Variants in SVOP observed in about 807,000 individuals in gnomAD.
SVOP encodes the protein synaptic vesicle 2-related protein.
In SVOP, 17 loss-of-function variants were observed where a neutral mutation model predicts 69.1. The ratio of observed to expected loss-of-function variants is 0.25; its 90% CI spans 0.17 to 0.37. SVOP has a LOEUF of 0.37. Ranked by LOEUF, SVOP falls within the 10% of genes least tolerant of loss-of-function variation. The pLI is 1.00. For missense variants in SVOP, 435 were observed against 597.5 expected, an observed-to-expected ratio of 0.73 and a Z score of 2.84; for synonymous variants, 238 against 238.6, an observed-to-expected ratio of 1.00 and a Z score of 0.02.
chr12:108,919,704 G>A lies in SVOP; in HGVS notation c.1239C>T (p.Cys413=), dbSNP rs1349437563. The stretch of plus-strand genomic sequence containing the variant: ...CAACACAGATAAACAGCAGGAGGCT[G>A]CAGAAGGAGAAGATGACAAAGCACA... The part of the protein sequence containing the change: ...MALCFVIFSF[C]SLLLFICVGR... The change falls in exon 13 of 16, where the codon TGC becomes TGT. Residue 413 remains cysteine, a synonymous_variant. Coordinates refer to ENST00000610966, the MANE Select transcript of SVOP (RefSeq NM_018711.5). The A allele has an allele frequency of 1.2e-6, 2 of 1,607,054 alleles. No homozygotes were observed. The highest frequency in any genetic ancestry group is 4.5e-5 in the East Asian group (2 of 44,640).
intron 11 of SVOP, 23 bp from the exon 12 acceptor site, chr12:108,922,820 G>A: frequency 6.5e-7 from 1 of 1,533,656 alleles, no homozygotes; most frequent in South Asian, 1.2e-5. Flanking sequence ...GAGAGAAAGA[G>A]AGGGGGAGAC....
chr12:108,975,416 G>A (rs1053373816), intron 4 of SVOP, among the ~76,000 whole-genome samples: 2 of 152,182 alleles, frequency 1.3e-5, no homozygotes, highest in Admixed American at 6.5e-5. Context: ...AAAGTAGCCC[G>A]AGGCAGGGGC....
chr12:108,912,479 C>T lies in SVOP; in HGVS notation c.*56G>A. 6.2e-7 allele frequency: 1 copy of T among 1,605,924 alleles called. No individual in the cohort carries two copies. The highest frequency in any genetic ancestry group is 8.5e-7 in the Non-Finnish European group (1 of 1,173,674). On this transcript the variant is annotated 3_prime_UTR_variant, in exon 16 of 16. Coordinates refer to ENST00000610966, the MANE Select transcript of SVOP (RefSeq NM_018711.5). ...TGACAATCAGTGCCCCAGTTGGGGC[C>T]TGCCAGCCCCCCAAGCTCTGCAGCC...
At chr12:108,943,876 T>A (rs971215059) in intron 7 of SVOP, among the ~76,000 whole-genome samples, 1 of 33,426 alleles carries the variant, frequency 3.0e-5, no homozygotes, top group Non-Finnish European at 1.2e-4. Context: ...CTCTTCCTCT[T>A]CTTCTTCTTC....
At chr12:108,982,329 TC>T (rs1256156493) in intron 2 of SVOP, among the ~76,000 whole-genome samples, 1 of 149,940 alleles carries the variant, frequency 6.7e-6, no homozygotes, top group African/African-American at 2.5e-5. Context: ...ATCATCACCA[TC>T]ATCATCATCT....
In SVOP at chr12:108,912,590, C is replaced by T. The variant is rs1566045222; in HGVS notation, c.1592G>A (p.Gly531Asp). ...SHREWGQEMV[G>D]RGMHGAGVTR... ...AACACCTGCACCGTGCATTCCTCGGCCGACCATCTCCTGGCCCCACTCCCG... is the reference window on the plus strand; with the variant it reads ...AACACCTGCACCGTGCATTCCTCGGTCGACCATCTCCTGGCCCCACTCCCG... The change falls in exon 16 of 16, where the codon GGC becomes GAC. Residue 531 changes from glycine (G) to aspartate (D), a missense_variant. Transcript: ENST00000610966. The T allele has an allele frequency of 6.2e-7, 1 of 1,613,754 alleles. No homozygotes were observed. Among genetic ancestry groups the T allele is most frequent in the African/African-American group, 1.3e-5 (1 of 74,904 alleles).
intron 13 of SVOP, among the ~76,000 whole-genome samples, chr12:108,918,430 G>A (rs531248035): frequency 1.9e-4 from 29 of 152,354 alleles, no homozygotes; most frequent in African/African-American, 6.7e-4. Context: ...TTGGCTGAGG[G>A]TGGAGCAGGA....
chr12:109,012,773 T>C (rs1234857624), intron 1 of SVOP, among the ~76,000 whole-genome samples: 2 of 151,914 alleles, frequency 1.3e-5, no homozygotes, highest in Non-Finnish European at 2.9e-5. Context: ...ACCAAAAATA[T>C]AAAAAATGAG....
chr12:109,003,752 C>T (rs1182771806), intron 1 of SVOP, among the ~76,000 whole-genome samples: 2 of 152,298 alleles, frequency 1.3e-5, no homozygotes, highest in African/African-American at 4.8e-5. Flanking sequence ...GGACTGCAGG[C>T]GTTTGCCACC....
At chr12:108,913,876 C>T (rs2039699715) in intron 15 of SVOP, among the ~76,000 whole-genome samples, 1 of 152,110 alleles carries the variant, frequency 6.6e-6, no homozygotes, top group Non-Finnish European at 1.5e-5. Context: ...GACTTGAACA[C>T]CTGACCTCAA....
chr12:108,924,500 A>G (rs1423210087), intron 11 of SVOP, among the ~76,000 whole-genome samples: 2 of 152,120 alleles, frequency 1.3e-5, no homozygotes, highest in Non-Finnish European at 2.9e-5. Flanking sequence ...CCCTACGGCC[A>G]ACCCATCAGC....
At chr12:108,970,146 TGGA>T (rs2040070047) in intron 5 of SVOP, among the ~76,000 whole-genome samples, 1 of 152,262 alleles carries the variant, frequency 6.6e-6, no homozygotes, top group South Asian at 2.1e-4. Context: ...GGGATGCAGC[TGGA>T]GTCTGCATCC....
At chr12:108,924,670 T>C (rs1566048351) in intron 11 of SVOP, among the ~76,000 whole-genome samples, 1 of 152,146 alleles carries the variant, frequency 6.6e-6, no homozygotes, top group Non-Finnish European at 1.5e-5. Flanking sequence ...GGCACCTAGC[T>C]AGCCTTGAGA....
chr12:108,917,211 A>C (rs537682176), intron 14 of SVOP, among the ~76,000 whole-genome samples: 1 of 152,316 alleles, frequency 6.6e-6, no homozygotes, highest in Admixed American at 6.5e-5. Flanking sequence ...TCAGGATCTC[A>C]ACACTCGAGA....
intron 14 of SVOP, 120 bp downstream of exon 14, chr12:108,917,923 G>C (rs2039724254): frequency 6.6e-6 from 5 of 754,628 alleles, no homozygotes; most frequent in Non-Finnish European, 2.0e-6. Flanking sequence ...TGGGATTATA[G>C]GCATGAGCTA....
intron 6 of SVOP, among the ~76,000 whole-genome samples, chr12:108,951,612 A>G (rs1477390069): frequency 4.6e-5 from 7 of 152,050 alleles, no homozygotes; most frequent in Admixed American, 3.9e-4. Context: ...TAAAGGGTCT[A>G]GAAAACTGTT....
intron 1 of SVOP, among the ~76,000 whole-genome samples, chr12:109,018,853 C>A (rs2040381954): frequency 6.6e-6 from 1 of 152,064 alleles, no homozygotes. Flanking sequence ...TGTGTCTGCC[C>A]GGCATTTGGC....
chr12:108,907,887 A>C lies in SVOP; in HGVS notation c.*4648T>G, dbSNP rs1205345400. Reference sequence around the variant, plus strand: ...AAGAGAGTTCTGATGAATAGACTTGAGAGTTTATGCACATGTCACTGCAGA... The same window carrying C: ...AAGAGAGTTCTGATGAATAGACTTGCGAGTTTATGCACATGTCACTGCAGA... On this transcript the variant is annotated 3_prime_UTR_variant, in exon 16 of 16. Transcript: ENST00000610966. The C allele has an allele frequency of 2.0e-5, 3 of 152,282 alleles. No individual in the cohort carries two copies. The highest frequency in any genetic ancestry group is 7.2e-5 in the African/African-American group (3 of 41,466). The allele number at this position is 152,282 out of a possible 1,614,324, so 9.4% of individuals were successfully genotyped here. A position where few individuals can be genotyped will look rare whatever the true frequency, so the allele number is the denominator to read the frequency against.
chr12:108,924,848 T>C (rs1417321799), intron 11 of SVOP, among the ~76,000 whole-genome samples: 2 of 152,076 alleles, frequency 1.3e-5, no homozygotes, highest in African/African-American at 4.8e-5. Flanking sequence ...AGATGGAAAA[T>C]GCTGACCACC....
Sources: allele counts gnomAD v4.1 joint callset (sites outside exome capture counted in the v4.1 genomes callset), GRCh38; gene constraint gnomAD v4.1.1; transcripts MANE v1.5; gene names NCBI Gene and HGNC (gene_info 2026-07-23, HGNC 2026-07-21).